The following NRG1 variants were observed in gnomAD, a reference collection of about 807,000 sequenced individuals.
NRG1 encodes the protein neuregulin 1.
A neutral mutation model predicts 63.8 loss-of-function variants in NRG1; 18 were observed. That is an observed-to-expected ratio of 0.28 (90% CI 0.19 to 0.42). NRG1 has a LOEUF of 0.42. NRG1 is among the 10% of genes least tolerant of loss of function. The pLI is 1.00. For synonymous variants in NRG1, 302 were observed against 301.3 expected (o/e 1.00, Z -0.02); for missense variants, 762 against 814.7 (o/e 0.94, Z 0.79).
At chr8:32,508,179 G>T (rs68189791) in intron 1 of NRG1, among the ~76,000 whole-genome samples, 4,160 of 152,272 alleles carry the variant, frequency 0.027, 65 homozygotes, top group Middle Eastern at 0.044. Context: ...GCTGAGGTAG[G>T]AGGACTCCTT....
rs140728135 is a variant in NRG1 at position 32,063,931 on chromosome 8, A to T, written c.37+424500A>T. Among the ~76,000 whole-genome samples, 279 of 152,194 alleles carry T rather than the reference A, an allele frequency of 1.8e-3. 1 individual carries two copies. The Middle Eastern group carries it at 0.024, about 13-fold the overall frequency. On this transcript the variant is annotated intron_variant, in intron 1 of 10. Coordinates refer to the NRG1 transcript ENST00000519301. Reference sequence around the variant, plus strand: ...AGTACGTGGCATGCCTGGAGATGACACACAAGGAGATCAGGAAGTGTGGGC... The same window carrying T: ...AGTACGTGGCATGCCTGGAGATGACTCACAAGGAGATCAGGAAGTGTGGGC...
intron 1 of NRG1, among the ~76,000 whole-genome samples, chr8:31,801,840 A>ATGCCATTAG (rs1347556181): frequency 6.6e-6 from 1 of 152,230 alleles, no homozygotes; most frequent in African/African-American, 2.4e-5. Context: ...AGTGATTTGC[A>ATGCCATTAG]TGCCATTAGC....
intron 1 of NRG1, among the ~76,000 whole-genome samples, chr8:32,295,327 T>C (rs1015524509): frequency 6.6e-6 from 1 of 152,146 alleles, no homozygotes; most frequent in African/African-American, 2.4e-5. Context: ...CTCCATTTTA[T>C]AACACATCTA....
intron 1 of NRG1, among the ~76,000 whole-genome samples, chr8:31,786,940 CCT>C (rs1308194851): frequency 9.2e-5 from 14 of 152,180 alleles, no homozygotes; most frequent in Non-Finnish European, 8.8e-5. Flanking sequence ...TAACTTTCAG[CCT>C]CTCTCCATCC....
chr8:32,772,461 CAT>C (rs1487400452), downstream of NRG1, among the ~76,000 whole-genome samples: 1 of 152,120 alleles, frequency 6.6e-6, no homozygotes, highest in Non-Finnish European at 1.5e-5. Context: ...TGAAAACAAT[CAT>C]AACTCTAGCT....
chr8:32,670,496 T>C (rs1035061283), intron 5 of NRG1, among the ~76,000 whole-genome samples: 2 of 152,064 alleles, frequency 1.3e-5, no homozygotes, highest in African/African-American at 4.8e-5. Context: ...TCCGTTCTTA[T>C]CCACTCTCCC....
intron 1 of NRG1, among the ~76,000 whole-genome samples, chr8:31,963,345 A>G (rs1379915823): frequency 6.6e-6 from 1 of 152,160 alleles, no homozygotes; most frequent in Non-Finnish European, 1.5e-5. Flanking sequence ...TATCATTTCA[A>G]TTTCATTACC....
chr8:32,712,595 G>A (rs1163549889), intron 5 of NRG1, among the ~76,000 whole-genome samples: 4 of 152,102 alleles, frequency 2.6e-5, no homozygotes, highest in Non-Finnish European at 5.9e-5. Context: ...TGTTAACCTC[G>A]TTAAAATGAT....
chr8:32,059,143 G>GT (rs375143116), intron 1 of NRG1, among the ~76,000 whole-genome samples: 5 of 151,830 alleles, frequency 3.3e-5, no homozygotes, highest in Non-Finnish European at 5.9e-5. Context: ...TCAAATAAAT[G>GT]TTTTTTTCCT....
At chr8:31,991,391 GCTT>G (rs369498834) in intron 1 of NRG1, among the ~76,000 whole-genome samples, 1 of 143,892 alleles carries the variant, frequency 6.9e-6, no homozygotes, top group African/African-American at 2.6e-5. Flanking sequence ...TTCTTCTGCT[GCTT>G]CTTCTTCTTC....
chr8:32,387,525 C>A (rs540002894), intron 1 of NRG1, among the ~76,000 whole-genome samples: 29 of 152,204 alleles, frequency 1.9e-4, no homozygotes, highest in African/African-American at 6.5e-4. Context: ...GTGTTCTGAG[C>A]CATAGCTAGG....
intron 1 of NRG1, among the ~76,000 whole-genome samples, chr8:31,854,664 T>C (rs1827648925): frequency 6.6e-6 from 1 of 152,188 alleles, no homozygotes; most frequent in African/African-American, 2.4e-5. Context: ...CTTTTGAATG[T>C]GTTTGCTCTT....
At chr8:32,012,139 A>C (rs1814857732) in intron 1 of NRG1, among the ~76,000 whole-genome samples, 2 of 152,222 alleles carry the variant, frequency 1.3e-5, no homozygotes, top group South Asian at 4.1e-4. Context: ...GGAAGCAAGC[A>C]AACCCCTCTT....
intron 1 of NRG1, among the ~76,000 whole-genome samples, chr8:32,510,261 C>A (rs2129500237): frequency 6.6e-6 from 1 of 151,896 alleles, no homozygotes; most frequent in East Asian, 1.9e-4. Flanking sequence ...CTTTGAGAGG[C>A]TGAGGCAGAA....
chr8:32,045,017 A>G (rs1405413400), intron 1 of NRG1, among the ~76,000 whole-genome samples: 1 of 151,642 alleles, frequency 6.6e-6, no homozygotes, highest in Non-Finnish European at 1.5e-5. Context: ...AGAACAAATT[A>G]ATGAAACCAA....
In NRG1 at chr8:31,782,604, A is replaced by G. The variant is rs371072754; in HGVS notation, c.37+143173A>G. Among the ~76,000 whole-genome samples, 26 of 152,300 alleles carry G rather than the reference A, an allele frequency of 1.7e-4. No individual in the cohort carries two copies. The South Asian group carries it at 5.0e-3, about 29-fold the overall frequency. Reference sequence around the variant, plus strand: ...GCCTTTAATTTGTATTCATTCGTACACATTACATTGGGGTTTTCTAGAAGA... The same window carrying G: ...GCCTTTAATTTGTATTCATTCGTACGCATTACATTGGGGTTTTCTAGAAGA... On this transcript the variant is annotated intron_variant, in intron 1 of 10. Transcript: ENST00000519301.
chr8:32,743,597 A>ATATATAT (rs1335040311), intron 7 of NRG1, among the ~76,000 whole-genome samples: 105 of 37,024 alleles, frequency 2.8e-3, no homozygotes, highest in African/African-American at 4.8e-3. Context: ...TATATATATA[A>ATATATAT]AACTTAATAA....
At chr8:32,091,380 G>A (rs1364462344) in intron 1 of NRG1, among the ~76,000 whole-genome samples, 2 of 152,168 alleles carry the variant, frequency 1.3e-5, no homozygotes, top group Non-Finnish European at 2.9e-5. Context: ...AATGATCATG[G>A]TGGCAAGTTG....
intron 1 of NRG1, among the ~76,000 whole-genome samples, chr8:31,855,680 C>T (rs201952260): frequency 6.6e-6 from 1 of 152,026 alleles, no homozygotes; most frequent in African/African-American, 2.4e-5. Context: ...TATTTTGCTC[C>T]TTAGTTGATG....
Sources: gnomAD v4.1 joint callset for allele counts (sites outside exome capture counted in the v4.1 genomes callset) on GRCh38, gnomAD v4.1.1 for gene constraint, MANE v1.5 for transcripts, NCBI Gene and HGNC (gene_info 2026-07-23, HGNC 2026-07-21) for gene names.